PSD3: variants seen among roughly 807,000 people sequenced by gnomAD.
PSD3 encodes PH and SEC7 domain-containing protein 3.
Under a neutral mutation model 105.5 loss-of-function variants are expected in PSD3, and 49 were observed. The observed-to-expected ratio is 0.46, with a 90% confidence interval of 0.37 to 0.59. The LOEUF (loss-of-function observed/expected upper bound fraction) is 0.59, where lower values mean the gene tolerates loss of function less well. Among genes scored for constraint, PSD3 ranks in the 20% least tolerant of loss-of-function variants. The pLI, the probability that PSD3 is intolerant of heterozygous loss-of-function variation, is 0.00. For missense variants in PSD3, 1,561 were observed against 1,263.8 expected (o/e 1.24, Z -3.57); for synonymous variants, 557 against 457.8 (o/e 1.22, Z -2.77).
At chr8:18,881,471 A>C (rs1484872338) in intron 2 of PSD3, among the ~76,000 whole-genome samples, 5 of 152,104 alleles carry the variant, frequency 3.3e-5, no homozygotes. Flanking sequence ...TGGCTAGCAA[A>C]CTCCTGAAAA....
chr8:18,605,555 T>G (rs1804763471), intron 11 of PSD3, among the ~76,000 whole-genome samples: 1 of 152,066 alleles, frequency 6.6e-6, no homozygotes, highest in Non-Finnish European at 1.5e-5. Flanking sequence ...GTGGAATGAG[T>G]TAAGACTTTG....
chr8:19,002,249 A>AACTTT (rs1826440689), intron 1 of PSD3, among the ~76,000 whole-genome samples: 1 of 152,060 alleles, frequency 6.6e-6, no homozygotes, highest in Non-Finnish European at 1.5e-5. Context: ...GAACTTTCCC[A>AACTTT]GCCTAAAGAC....
intron 2 of PSD3, among the ~76,000 whole-genome samples, chr8:18,929,077 C>T (rs1821569483): frequency 6.6e-6 from 1 of 152,144 alleles, no homozygotes; most frequent in African/African-American, 2.4e-5. Flanking sequence ...GAATTTTACA[C>T]ATTAAATGGA....
chr8:18,628,139 C>A (rs1402496132), intron 11 of PSD3, among the ~76,000 whole-genome samples: 1 of 151,916 alleles, frequency 6.6e-6, no homozygotes, highest in Admixed American at 6.6e-5. Flanking sequence ...TGGGATAGCA[C>A]TGAGTATCAT....
At chr8:18,973,568 A>ACCT (rs1302462943) in intron 1 of PSD3, among the ~76,000 whole-genome samples, 1 of 151,910 alleles carries the variant, frequency 6.6e-6, no homozygotes, top group African/African-American at 2.4e-5. Context: ...AACCTTAACT[A>ACCT]CCTCCTCAAA....
chr8:18,662,524 C>G (rs1242733454), intron 9 of PSD3, among the ~76,000 whole-genome samples: 1 of 152,132 alleles, frequency 6.6e-6, no homozygotes, highest in Admixed American at 6.5e-5. Context: ...GAGAACAGAT[C>G]CAATCTTATG....
At position 18,804,700 on chromosome 8, in the gene PSD3, G is replaced by C. The variant is rs199609322; in HGVS notation, c.1829+4C>G. 7 of 1,613,436 alleles carry C rather than the reference G, an allele frequency of 4.3e-6. No homozygotes were observed. Among genetic ancestry groups the C allele is most frequent in the Non-Finnish European group, 5.9e-6 (7 of 1,179,750 alleles). ...TCAGACTCCAGCAATGGGTCAGAAC[G>C]TACTTCTTGCCAAGGTGTTTTGCAA... is the stretch of plus-strand genomic sequence containing the variant. On this transcript the variant is annotated splice_donor_region_variant and intron_variant, in intron 5 of 15. Coordinates refer to ENST00000327040, the MANE Select transcript of PSD3 (RefSeq NM_015310.4).
At position 19,005,151 on chromosome 8, in the gene PSD3, C is replaced by T. The variant is rs529734784; in HGVS notation, c.21+8412G>A. On this transcript the variant is annotated intron_variant, in intron 1 of 15. Coordinates refer to ENST00000327040, the MANE Select transcript of PSD3 (RefSeq NM_015310.4). ...CTAGAATGGCTACAAAACTTGTATG[C>T]TTGTGTTCAGAATGGCATTATTCCT... 5.9e-5 allele frequency among the ~76,000 whole-genome samples: 9 copies of T among 152,086 alleles called. No homozygotes were observed. The East Asian group carries it at 1.7e-3, about 29-fold the overall frequency.
chr8:18,808,835 T>A, intron 4 of PSD3: 1 of 1,610,240 alleles, frequency 6.2e-7, no homozygotes, highest in Non-Finnish European at 8.5e-7. Context: ...CGAAGCCCCG[T>A]CCAGTATTCT....
At chr8:18,556,449 T>C in intron 14 of PSD3, 97 bp from the exon 15 acceptor site, 2 of 1,301,540 alleles carry the variant, frequency 1.5e-6, no homozygotes, top group South Asian at 2.8e-5. Flanking sequence ...TGAATGACTT[T>C]AATTCACTAA....
At position 18,531,087 on chromosome 8, in the gene PSD3, G is replaced by T. The variant is rs1799613576; in HGVS notation, c.*4656C>A. ...ACCCACAAATACAACAATGGCAGGT[G>T]ACAGCATTTTCTTTGATGACTGACA... On this transcript the variant is annotated 3_prime_UTR_variant, in exon 16 of 16. Transcript: ENST00000327040. The T allele has an allele frequency of 6.6e-6, 1 of 152,438 alleles. No homozygotes were observed. The highest frequency in any genetic ancestry group is 6.5e-5 in the Admixed American group (1 of 15,272). The allele number at this position is 152,438 out of a possible 1,614,324, so 9.4% of individuals were successfully genotyped here.
At chr8:18,595,295 A>G (rs1441149891) in intron 12 of PSD3, among the ~76,000 whole-genome samples, 1 of 150,098 alleles carries the variant, frequency 6.7e-6, no homozygotes, top group Non-Finnish European at 1.5e-5. Flanking sequence ...AAAAAAAAAA[A>G]AGGAATACTA....
At chr8:18,901,091 G>GTTTCTA (rs1819474673) in intron 2 of PSD3, among the ~76,000 whole-genome samples, 1 of 152,004 alleles carries the variant, frequency 6.6e-6, no homozygotes, top group Non-Finnish European at 1.5e-5. Flanking sequence ...AAGTAGATGT[G>GTTTCTA]TTTCTATTTC....
At chr8:18,543,432 G>C (rs1310687597) in intron 15 of PSD3, among the ~76,000 whole-genome samples, 1 of 152,048 alleles carries the variant, frequency 6.6e-6, no homozygotes, top group Admixed American at 6.5e-5. Context: ...GGCTAACACG[G>C]TGAAACCCCG....
chr8:18,764,599 T>A (rs1177145640), intron 9 of PSD3, among the ~76,000 whole-genome samples: 2 of 152,216 alleles, frequency 1.3e-5, no homozygotes, highest in African/African-American at 4.8e-5. Context: ...GCTTAAAGGT[T>A]ACATAAAACA....
intron 1 of PSD3, among the ~76,000 whole-genome samples, chr8:18,954,988 G>T (rs570585165): frequency 6.6e-6 from 1 of 152,160 alleles, no homozygotes; most frequent in African/African-American, 2.4e-5. Flanking sequence ...AGACAACGAG[G>T]GAGTCAAATA....
At chr8:18,815,707 G>T (rs1191223685) in intron 4 of PSD3, among the ~76,000 whole-genome samples, 1 of 152,110 alleles carries the variant, frequency 6.6e-6, no homozygotes, top group Non-Finnish European at 1.5e-5. Flanking sequence ...TATCTGTTCT[G>T]CAGTGTCCCT....
At chr8:18,586,341 T>C (rs1563349468) in intron 12 of PSD3, among the ~76,000 whole-genome samples, 1 of 152,192 alleles carries the variant, frequency 6.6e-6, no homozygotes, top group Non-Finnish European at 1.5e-5. Flanking sequence ...TTTTGTTTAT[T>C]TGTTTTTCGG....
At chr8:18,748,647 G>A (rs577237831) in intron 9 of PSD3, among the ~76,000 whole-genome samples, 12 of 141,728 alleles carry the variant, frequency 8.5e-5, no homozygotes, top group East Asian at 6.3e-4. Context: ...GCGACAGAGC[G>A]AGACTCCGTC....
Sources: gnomAD v4.1 joint callset for allele counts (sites outside exome capture counted in the v4.1 genomes callset) on GRCh38, gnomAD v4.1.1 for gene constraint, MANE v1.5 for transcripts, NCBI Gene and HGNC (gene_info 2026-07-23, HGNC 2026-07-21) for gene names.